The following EPHA6 variants were observed in gnomAD, a reference collection of about 807,000 sequenced individuals.
The protein encoded by EPHA6 is EPH receptor A6.
A neutral mutation model predicts 112.0 loss-of-function variants in EPHA6; 50 were observed. The ratio of observed to expected loss-of-function variants is 0.45; its 90% CI spans 0.36 to 0.56. EPHA6 has a LOEUF of 0.56. Among genes scored for constraint, EPHA6 ranks in the 20% least tolerant of loss-of-function variants. The pLI, the probability that EPHA6 is intolerant of heterozygous loss-of-function variation, is 0.00. For synonymous variants in EPHA6, 529 were observed against 490.7 expected (o/e 1.08, Z -1.03); for missense variants, 1,280 against 1,417.4 (o/e 0.90, Z 1.56).
intron 11 of EPHA6, among the ~76,000 whole-genome samples, chr3:97,546,048 C>A (rs901758254): frequency 6.6e-6 from 1 of 152,158 alleles, no homozygotes; most frequent in Non-Finnish European, 1.5e-5. Flanking sequence ...TTAATTGGAG[C>A]ATTTAGCCCA....
intron 3 of EPHA6, among the ~76,000 whole-genome samples, chr3:97,178,881 T>C (rs1032417592): frequency 1.3e-5 from 2 of 152,152 alleles, no homozygotes; most frequent in African/African-American, 4.8e-5. Flanking sequence ...GATATTGATA[T>C]CTTTCTCTAA....
intron 3 of EPHA6, 45 bp downstream of exon 3, chr3:96,988,038 T>C: frequency 7.0e-7 from 1 of 1,435,444 alleles, no homozygotes; most frequent in Middle Eastern, 1.8e-4. Context: ...TTTAAATGAT[T>C]TTAAAAAAGT....
intron 6 of EPHA6, among the ~76,000 whole-genome samples, chr3:97,420,313 T>A (rs536493646): frequency 2.0e-5 from 3 of 151,292 alleles, no homozygotes; most frequent in African/African-American, 7.3e-5. Context: ...AAGATAAAAA[T>A]TGACCAAAAT....
chr3:97,373,338 C>T (rs969544673), intron 5 of EPHA6, among the ~76,000 whole-genome samples: 1 of 152,034 alleles, frequency 6.6e-6, no homozygotes, highest in Non-Finnish European at 1.5e-5. Flanking sequence ...TGAAATTCAG[C>T]CTTACGATGG....
intron 12 of EPHA6, among the ~76,000 whole-genome samples, chr3:97,594,712 T>A (rs1264692819): frequency 6.6e-6 from 1 of 152,166 alleles, no homozygotes; most frequent in Non-Finnish European, 1.5e-5. Flanking sequence ...TTATTTTATA[T>A]TTTTTAAAAA....
At chr3:97,173,406 AT>A (rs2076750332) in intron 3 of EPHA6, among the ~76,000 whole-genome samples, 1 of 151,906 alleles carries the variant, frequency 6.6e-6, no homozygotes, top group Non-Finnish European at 1.5e-5. Context: ...GTATATATGT[AT>A]TAAGTACATC....
intron 6 of EPHA6, among the ~76,000 whole-genome samples, chr3:97,424,375 C>A (rs527377395): frequency 1.3e-5 from 2 of 152,228 alleles, no homozygotes; most frequent in South Asian, 4.2e-4. Context: ...CCACACATAA[C>A]AAAATCAATC....
intron 5 of EPHA6, among the ~76,000 whole-genome samples, chr3:97,298,931 A>G (rs185648360): frequency 7.4e-4 from 112 of 152,294 alleles, no homozygotes; most frequent in Non-Finnish European, 1.4e-3. Flanking sequence ...TAAAATTCTA[A>G]CTTTATCAAA....
At chr3:97,652,226 A>ACAT (rs1307743868) in intron 14 of EPHA6, among the ~76,000 whole-genome samples, 1 of 152,104 alleles carries the variant, frequency 6.6e-6, no homozygotes, top group African/African-American at 2.4e-5. Context: ...AAGAAGGAAA[A>ACAT]CATGATAAAT....
chr3:96,879,119 A>T (rs1447250971), intron 2 of EPHA6, among the ~76,000 whole-genome samples: 1 of 152,050 alleles, frequency 6.6e-6, no homozygotes, highest in Non-Finnish European at 1.5e-5. Context: ...TCATTATTTC[A>T]CTGAAAATCT....
chr3:97,458,016 C>G (rs1025853052), intron 7 of EPHA6, among the ~76,000 whole-genome samples: 1 of 126,002 alleles, frequency 7.9e-6, no homozygotes, highest in African/African-American at 3.0e-5. Flanking sequence ...TGCAGTGAGC[C>G]GAGATCGCGC....
chr3:96,968,487 C>T (rs1248459355), intron 2 of EPHA6, among the ~76,000 whole-genome samples: 1 of 151,536 alleles, frequency 6.6e-6, no homozygotes, highest in African/African-American at 2.4e-5. Context: ...TCATTTCTGT[C>T]TCTTAAGAAT....
intron 11 of EPHA6, among the ~76,000 whole-genome samples, chr3:97,582,980 A>G (rs1213657666): frequency 6.6e-6 from 1 of 151,320 alleles, no homozygotes; most frequent in Non-Finnish European, 1.5e-5. Flanking sequence ...CTAGCAATGA[A>G]TGGCCAGTCT....
chr3:97,173,273 T>C (rs2076747949), intron 3 of EPHA6, among the ~76,000 whole-genome samples: 1 of 151,944 alleles, frequency 6.6e-6, no homozygotes, highest in Admixed American at 6.6e-5. Flanking sequence ...CATTAAATGT[T>C]TTAAAATATT....
At chr3:97,332,209 C>T (rs186104717) in intron 5 of EPHA6, among the ~76,000 whole-genome samples, 8 of 152,194 alleles carry the variant, frequency 5.3e-5, no homozygotes. Context: ...ATTCAACAAC[C>T]CTTCATGCTA....
At chr3:97,035,285 TATATTAAG>T (rs2045046274) in intron 3 of EPHA6, among the ~76,000 whole-genome samples, 1 of 151,968 alleles carries the variant, frequency 6.6e-6, no homozygotes, top group African/African-American at 2.4e-5. Flanking sequence ...TTTCTTATGC[TATATTAAG>T]TACCTTACCT....
chr3:97,313,874 T>C (rs1443806317), intron 5 of EPHA6, among the ~76,000 whole-genome samples: 1 of 151,614 alleles, frequency 6.6e-6, no homozygotes, highest in Admixed American at 6.6e-5. Flanking sequence ...AGAAAAAGCT[T>C]TTCAGTAGGA....
chr3:97,496,282 A>G (rs2091975749), intron 10 of EPHA6, among the ~76,000 whole-genome samples: 1 of 151,996 alleles, frequency 6.6e-6, no homozygotes, highest in Non-Finnish European at 1.5e-5. Flanking sequence ...GCCTATCAGG[A>G]AAAAAAAGTC....
At chr3:97,245,276 A>G (rs1182979240) in intron 5 of EPHA6, among the ~76,000 whole-genome samples, 1 of 151,984 alleles carries the variant, frequency 6.6e-6, no homozygotes, top group South Asian at 2.1e-4. Flanking sequence ...CTTGGTTTGT[A>G]GGTGGCCATC....
Sources: gnomAD v4.1 joint callset for allele counts (sites outside exome capture counted in the v4.1 genomes callset) on GRCh38, gnomAD v4.1.1 for gene constraint, MANE v1.5 for transcripts, NCBI Gene and HGNC (gene_info 2026-07-23, HGNC 2026-07-21) for gene names.